Variants in ANO7 observed in about 807,000 individuals in gnomAD.
The protein encoded by ANO7 is anoctamin 7.
Under a neutral mutation model 115.8 loss-of-function variants are expected in ANO7, and 114 were observed. The observed-to-expected ratio is 0.98, with a 90% CI of 0.85 to 1.15. The LOEUF is 1.15. Ranked by LOEUF, ANO7 falls within the 50% of genes most tolerant of loss-of-function variation. ANO7 has a pLI of 0.00. For synonymous variants in ANO7, 550 were observed against 498.2 expected, an observed-to-expected ratio of 1.10 and a Z score of -1.38; for missense variants, 1,302 against 1,201.2, an observed-to-expected ratio of 1.08 and a Z score of -1.24.
At chr2:241,236,303 T>C in the ANO7 span, 3 of 367,852 alleles carry the variant, frequency 8.2e-6, no homozygotes, top group East Asian at 5.1e-5. Flanking sequence ...CAACTGGAGG[T>C]CACATTCATC....
intron 19 of ANO7, 167 bp from the exon 20 acceptor site, chr2:241,217,519 C>A: frequency 3.9e-6 from 3 of 761,262 alleles, no homozygotes; most frequent in Non-Finnish European, 6.2e-6. Context: ...GGAGAGGCGG[C>A]CCTGGCGCTG....
In ANO7 at chr2:241,207,675, G is replaced by A. The variant is rs373834429; in HGVS notation, c.1077+5G>A. ...AGCGCCTGTGCCCTGGCCCAGGTAC[G>A]AGAAGAGGTGGGTGGGGTAAGGGAT... is the stretch of plus-strand genomic sequence containing the variant. On this transcript the variant is annotated splice_donor_5th_base_variant and intron_variant, in intron 11 of 24. Coordinates refer to ENST00000674324, the MANE Select transcript of ANO7 (RefSeq NM_001370694.2). 1.4e-5 allele frequency: 23 copies of A among 1,613,234 alleles called. No individual in the cohort carries two copies. Among genetic ancestry groups the A allele is most frequent in the Admixed American group, 3.3e-5 (2 of 60,012 alleles).
Position 241,204,935 on chromosome 2 carries a change from G to C in ANO7, c.960G>C (p.Leu320=), listed in dbSNP as rs1266327809. 34 of 1,613,884 alleles carry C rather than the reference G, an allele frequency of 2.1e-5. No homozygotes were observed. Among genetic ancestry groups the C allele is most frequent in the Non-Finnish European group, 2.8e-5 (33 of 1,179,846 alleles). ...GTLVFLVGCF[L]VFSDIPTQEL... is the part of the protein sequence containing the mutation. The stretch of plus-strand genomic sequence containing the variant: ...TGGTGTTCCTGGTGGGCTGCTTCCT[G>C]GTGTTCTCAGACATACCCACGTGAG... The change falls in exon 10 of 25, where the codon CTG becomes CTC. Residue 320 remains leucine, a synonymous_variant. Transcript: ENST00000674324.
At chr2:241,196,583 G>A (rs1469365344) in intron 4 of ANO7, among the ~76,000 whole-genome samples, 2 of 152,194 alleles carry the variant, frequency 1.3e-5, no homozygotes, top group African/African-American at 2.4e-5. Context: ...CCATTTTAGC[G>A]CCAATTTTAC....
chr2:241,222,879 C>T (rs989903440), intron 21 of ANO7, among the ~76,000 whole-genome samples: 5 of 152,292 alleles, frequency 3.3e-5, no homozygotes, highest in East Asian at 3.9e-4. Context: ...GAAGCACAGA[C>T]GTACTGGACT....
At position 241,209,348 on chromosome 2, in the gene ANO7, G is replaced by GTGC; in HGVS notation, c.1150_1152dup (p.Leu384dup). 6.3e-7 allele frequency: 1 copy of GTGC among 1,578,622 alleles called. No individual in the cohort carries two copies. Among genetic ancestry groups the GTGC allele is most frequent in the Non-Finnish European group, 8.6e-7 (1 of 1,162,732 alleles). ...CAGCTTGTTCATGGCACTGTGGGCC[G>GTGC]TGCTGCTGCTGGAGTACTGGAAGCG... On this transcript the variant is annotated inframe_insertion, in exon 12 of 25. Coordinates refer to ENST00000674324, the MANE Select transcript of ANO7 (RefSeq NM_001370694.2).
Position 241,199,435 on chromosome 2 carries a change from G to A in ANO7, c.417+12G>A, listed in dbSNP as rs761200488. The A allele has an allele frequency of 1.9e-6, 3 of 1,613,274 alleles. No individual in the cohort carries two copies. Among genetic ancestry groups the A allele is most frequent in the South Asian group, 2.2e-5 (2 of 91,082 alleles). On this transcript the variant is annotated intron_variant, in intron 5 of 24. Coordinates refer to ENST00000674324, the MANE Select transcript of ANO7 (RefSeq NM_001370694.2). ...AGCTGCCCTTGCAGGTACGTGGGAGGCATGGGGACAGGGTGGGCCTGGAGG... is the reference window on the plus strand; with the variant it reads ...AGCTGCCCTTGCAGGTACGTGGGAGACATGGGGACAGGGTGGGCCTGGAGG...
rs768834500 is a variant in ANO7, at chr2:241,209,580, C to T, written c.1304C>T (p.Pro435Leu). ...ACGGGTGAGGACGAGCCCTACTTCC[C>T]TGAGAGGAGCCGCGCGCGCCGCATG... ...PITGEDEPYF[P>L]ERSRARRMLA... The change falls in exon 13 of 25, where the codon CCT becomes CTT. Residue 435 changes from proline to leucine, a missense_variant. Physicochemically the swap from Pro to Leu is moderately conservative, Grantham distance 98. Coordinates refer to ENST00000674324, the MANE Select transcript of ANO7 (RefSeq NM_001370694.2). 3 of 1,603,360 alleles carry T rather than the reference C, an allele frequency of 1.9e-6. No homozygotes were observed. The highest frequency in any genetic ancestry group is 2.2e-5 in the South Asian group (2 of 90,094).
At chr2:241,213,602 C>T (rs571528684) in intron 17 of ANO7, among the ~76,000 whole-genome samples, 21 of 152,308 alleles carry the variant, frequency 1.4e-4, no homozygotes, top group Non-Finnish European at 2.2e-4. Flanking sequence ...CTGTTCCCGA[C>T]GCACAGCCCC....
At chr2:241,239,086 C>T in the ANO7 span, among the ~76,000 whole-genome samples, 895 of 152,288 alleles carry the variant, frequency 5.9e-3, 33 homozygotes, top group Admixed American at 0.052. The surrounding 1 kb of genome is among the most constrained non-coding windows in gnomAD (Gnocchi z 4.6). Context: ...CATGAGGAGG[C>T]ATCAGACTTG....
chr2:241,234,475 C>T, the ANO7 span, among the ~76,000 whole-genome samples: 7 of 152,318 alleles, frequency 4.6e-5, no homozygotes, highest in Middle Eastern at 3.4e-3. Flanking sequence ...GTGAGGTTCA[C>T]GAGCTCCACC....
chr2:241,222,698 G>A (rs915766718), intron 21 of ANO7, among the ~76,000 whole-genome samples: 1 of 152,152 alleles, frequency 6.6e-6, no homozygotes, highest in Non-Finnish European at 1.5e-5. Flanking sequence ...ATGGGACAGA[G>A]ACACAGGAAG....
downstream of ANO7, chr2:241,229,879 C>A: frequency 6.3e-7 from 1 of 1,589,560 alleles, no homozygotes. Flanking sequence ...CACCACAAAG[C>A]CTCTGGAAGG....
chr2:241,225,227 A>C lies in ANO7; in HGVS notation c.*1074A>C, dbSNP rs1016155275. ...CTACAAGTGGAACTTAAGTGTCAAA[A>C]AGAATATGTGGTTTTTAGCTGAGCG... On this transcript the variant is annotated 3_prime_UTR_variant, in exon 25 of 25. Coordinates refer to ENST00000674324, the MANE Select transcript of ANO7 (RefSeq NM_001370694.2). The C allele has an allele frequency of 2.0e-5, 3 of 152,092 alleles. No individual in the cohort carries two copies. The highest frequency in any genetic ancestry group is 4.4e-5 in the Non-Finnish European group (3 of 68,020). The allele number at this position is 152,092 out of a possible 1,614,324, so 9.4% of individuals were successfully genotyped here. A position where few individuals can be genotyped will look rare whatever the true frequency, so the allele number is the denominator to read the frequency against.
At chr2:241,223,464 A>G (rs914797931) in intron 22 of ANO7, 188 bp downstream of exon 22, 25 of 1,027,778 alleles carry the variant, frequency 2.4e-5, no homozygotes, top group Admixed American at 4.2e-5. Flanking sequence ...TGGTGTGGAC[A>G]TTGTGGGTGT....
the ANO7 span, among the ~76,000 whole-genome samples, chr2:241,234,647 C>G: frequency 2.0e-5 from 3 of 152,188 alleles, no homozygotes; most frequent in Non-Finnish European, 2.9e-5. Flanking sequence ...AGAGGCTGGG[C>G]GTCTGCAGCG....
In ANO7 at chr2:241,192,349, C is replaced by G. The variant is rs1007121445; in HGVS notation, c.166+1098C>G. 5.9e-5 allele frequency among the ~76,000 whole-genome samples: 9 copies of G among 152,128 alleles called. No individual in the cohort carries two copies. The South Asian group carries it at 8.3e-4, about 14-fold the overall frequency. Reference sequence around the variant, plus strand: ...TCCAAGAAAAAAAAAAGTACCACGGCCTGCGGGGCTTAGATGGCAGAACTT... The same window carrying G: ...TCCAAGAAAAAAAAAAGTACCACGGGCTGCGGGGCTTAGATGGCAGAACTT... On this transcript the variant is annotated intron_variant, in intron 3 of 24. Transcript: ENST00000674324.
chr2:241,210,259 C>A, intron 13 of ANO7, 36 bp from the exon 14 acceptor site: 1 of 1,607,650 alleles, frequency 6.2e-7, no homozygotes, highest in Non-Finnish European at 8.5e-7. Flanking sequence ...GCCCAAGACA[C>A]CGTGAAGGGT....
At position 241,216,132 on chromosome 2, in the gene ANO7, C is replaced by G; in HGVS notation, c.1866C>G (p.Ser622=). Residue 622 remains serine (S), a synonymous_variant, in exon 19 of 25, where the codon TCC becomes TCG. Transcript: ENST00000674324. ...KGWWQKFRLR[S]KKRKAGASAG... is the part of the protein sequence containing the mutation. ...GGTGGCAGAAGTTCCGGCTTCGCTC[C>G]AAGAAGAGGAAGGCGGGAGCTTCTG... The G allele has an allele frequency of 1.2e-6, 2 of 1,613,068 alleles. No individual in the cohort carries two copies. The highest frequency in any genetic ancestry group is 1.7e-6 in the Non-Finnish European group (2 of 1,179,786).
Sources: allele counts gnomAD v4.1 joint callset (sites outside exome capture counted in the v4.1 genomes callset), GRCh38; gene constraint gnomAD v4.1.1; non-coding constraint Gnocchi (gnomAD v3.1); transcripts MANE v1.5; gene names NCBI Gene and HGNC (gene_info 2026-07-23, HGNC 2026-07-21).